The following ANKS1B variants were observed in gnomAD, a reference collection of about 807,000 sequenced individuals.
ANKS1B encodes ankyrin repeat and sterile alpha motif domain containing 1B.
ANKS1B carries 36 observed loss-of-function variants against 148.3 expected under a neutral mutation model. That is an observed-to-expected ratio of 0.24 (90% CI 0.19 to 0.32). The LOEUF (loss-of-function observed/expected upper bound fraction) is 0.32. ANKS1B is among the 10% of genes least tolerant of loss of function. ANKS1B has a pLI of 1.00. For synonymous variants in ANKS1B, 542 were observed against 560.8 expected (o/e 0.97, Z 0.47); for missense variants, 1,157 against 1,542.6 (o/e 0.75, Z 4.19).
chr12:99,374,020 A>G (rs2093274620), intron 12 of ANKS1B, among the ~76,000 whole-genome samples: 2 of 152,168 alleles, frequency 1.3e-5, no homozygotes, highest in African/African-American at 4.8e-5. Flanking sequence ...ATGTATTTGG[A>G]TTTACACCAT....
At chr12:99,319,056 G>C (rs2154030300) in intron 12 of ANKS1B, among the ~76,000 whole-genome samples, 1 of 152,214 alleles carries the variant, frequency 6.6e-6, no homozygotes, top group East Asian at 1.9e-4. Flanking sequence ...TAAGTTCTCT[G>C]TTCTTTTACA....
chr12:99,275,274 T>G (rs1350309186), intron 12 of ANKS1B, among the ~76,000 whole-genome samples: 7 of 152,186 alleles, frequency 4.6e-5, no homozygotes, highest in African/African-American at 1.4e-4. Flanking sequence ...CCTGTTGTGC[T>G]ATCAAATACT....
rs1035461235 is a variant in ANKS1B, at chr12:99,745,987, T to C, written c.1128+26935A>G. The stretch of plus-strand genomic sequence containing the variant: ...ATAGGAGTTCATGAGCCATATACGG[T>C]TGGAAAAATATGCTCTTAGATAAGC... On this transcript the variant is annotated intron_variant, in intron 8 of 26. Transcript: ENST00000683438. Among the ~76,000 whole-genome samples the C allele has an allele frequency of 2.6e-5, 4 of 152,118 alleles. No individual in the cohort carries two copies. The East Asian group carries it at 7.7e-4, about 29-fold the overall frequency.
intron 17 of ANKS1B, among the ~76,000 whole-genome samples, chr12:98,933,918 G>A (rs1403841771): frequency 6.6e-6 from 1 of 151,784 alleles, no homozygotes; most frequent in African/African-American, 2.4e-5. Flanking sequence ...CCTCGTATCT[G>A]ATATATGGTT....
chr12:99,089,625 A>G (rs979829602), intron 15 of ANKS1B, among the ~76,000 whole-genome samples: 2 of 152,174 alleles, frequency 1.3e-5, no homozygotes, highest in Non-Finnish European at 2.9e-5. Flanking sequence ...AATACTCATG[A>G]GTTTTTCTCA....
chr12:98,976,991 A>C (rs142040940), intron 17 of ANKS1B, among the ~76,000 whole-genome samples: 23 of 152,368 alleles, frequency 1.5e-4, no homozygotes, highest in Middle Eastern at 3.4e-3. Flanking sequence ...GGAAGGAAGC[A>C]AACAATGAAA....
At chr12:99,352,594 A>T (rs2091547974) in intron 12 of ANKS1B, among the ~76,000 whole-genome samples, 1 of 152,032 alleles carries the variant, frequency 6.6e-6, no homozygotes, top group African/African-American at 2.4e-5. Context: ...ATCTCTTGTA[A>T]TCCGTGTTGC....
intron 16 of ANKS1B, among the ~76,000 whole-genome samples, chr12:99,058,895 G>A (rs2041320765): frequency 6.6e-6 from 1 of 150,568 alleles, no homozygotes; most frequent in South Asian, 2.1e-4. Context: ...CCGCTACCAC[G>A]CCCGGCTAAT....
At chr12:99,071,793 C>T (rs975905234) in intron 16 of ANKS1B, among the ~76,000 whole-genome samples, 9 of 151,906 alleles carry the variant, frequency 5.9e-5, no homozygotes, top group South Asian at 2.1e-4. Flanking sequence ...AACTAAGGTG[C>T]GCGCCACCAT....
intron 10 of ANKS1B, among the ~76,000 whole-genome samples, chr12:99,493,283 C>A (rs766345266): frequency 6.6e-6 from 1 of 152,114 alleles, no homozygotes; most frequent in East Asian, 1.9e-4. Context: ...GAGGGTGATG[C>A]AATCAGATTT....
intron 1 of ANKS1B, among the ~76,000 whole-genome samples, chr12:99,973,303 G>C (rs1216318907): frequency 6.6e-6 from 1 of 152,246 alleles, no homozygotes; most frequent in Non-Finnish European, 1.5e-5. Context: ...TTGCGGGCCA[G>C]GTGCAGTGGC....
intron 2 of ANKS1B, among the ~76,000 whole-genome samples, chr12:99,822,816 T>C (rs573601905): frequency 6.6e-6 from 1 of 152,318 alleles, no homozygotes; most frequent in South Asian, 2.1e-4. Context: ...GTAATGGGAA[T>C]GCTGGGTAGA....
At chr12:99,924,553 T>C (rs752043683) in intron 1 of ANKS1B, among the ~76,000 whole-genome samples, 3 of 152,146 alleles carry the variant, frequency 2.0e-5, no homozygotes, top group Non-Finnish European at 4.4e-5. Context: ...AAAATTCATA[T>C]GTTGAAATCC....
At position 98,936,541 on chromosome 12, in the gene ANKS1B, C is replaced by T. The variant is rs532834073; in HGVS notation, c.2779-104405G>A. Among the ~76,000 whole-genome samples, 179 of 152,092 alleles carry T rather than the reference C, an allele frequency of 1.2e-3. No homozygotes were observed. In the Middle Eastern group the frequency reaches 0.014, roughly 12 times the overall value. ...ACTCAGGAGGCTGAGGCAGGAGAAT[C>T]ACTTGAACCCAGGAGGTGGAGGTTG... On this transcript the variant is annotated intron_variant, in intron 17 of 26. Transcript: ENST00000683438.
rs549508704 is a variant in ANKS1B at position 99,886,110 on chromosome 12, T to TA, written c.135-60722dup. On this transcript the variant is annotated intron_variant, in intron 1 of 26. Coordinates refer to ENST00000683438, the MANE Select transcript of ANKS1B (RefSeq NM_001352186.2). ...TTTTTATAGAGAGGTTGTACTAACT[T>TA]ACATTCCCACCAGCAGTGCACAAGC... is the stretch of plus-strand genomic sequence containing the variant. Among the ~76,000 whole-genome samples, 100 of 152,320 alleles carry TA rather than the reference T, an allele frequency of 6.6e-4. 1 individual carries two copies. The East Asian group carries it at 0.01, about 15-fold the overall frequency.
chr12:99,179,688 C>G (rs1165417470), intron 14 of ANKS1B, among the ~76,000 whole-genome samples: 2 of 152,016 alleles, frequency 1.3e-5, no homozygotes, highest in African/African-American at 4.8e-5. Context: ...GGGAAAAACT[C>G]TCTATGAATC....
chr12:99,581,092 A>G lies in ANKS1B; in HGVS notation c.1272+73975T>C, dbSNP rs184472471. Among the ~76,000 whole-genome samples, 63 of 152,354 alleles carry G rather than the reference A, an allele frequency of 4.1e-4. 1 individual carries two copies. The highest frequency in any genetic ancestry group is 7.6e-4 in the Non-Finnish European group (52 of 68,028). On this transcript the variant is annotated intron_variant, in intron 9 of 26. Transcript: ENST00000683438. ...ATAAATAAGGAAACGCAAAGTACCT[A>G]GAACAACCAGAACAATTTGACAAAG... is the stretch of plus-strand genomic sequence containing the variant.
At chr12:98,778,127 C>G (rs1013721424) in intron 24 of ANKS1B, among the ~76,000 whole-genome samples, 1 of 152,068 alleles carries the variant, frequency 6.6e-6, no homozygotes, top group South Asian at 2.1e-4. Flanking sequence ...GGCAGGGGTA[C>G]GAGATGCAAG....
intron 2 of ANKS1B, among the ~76,000 whole-genome samples, chr12:99,822,909 C>G (rs1023341092): frequency 4.6e-5 from 7 of 152,152 alleles, no homozygotes; most frequent in Non-Finnish European, 8.8e-5. Context: ...TTCCCACCAA[C>G]AGTGAATAAG....
Sources: gnomAD v4.1 joint callset for allele counts (sites outside exome capture counted in the v4.1 genomes callset) on GRCh38, gnomAD v4.1.1 for gene constraint, MANE v1.5 for transcripts, NCBI Gene and HGNC (gene_info 2026-07-23, HGNC 2026-07-21) for gene names.